The following RASL12 variants were observed in gnomAD, a reference collection of about 807,000 sequenced individuals.
RASL12 encodes RAS like family 12.
Under a neutral mutation model 22.9 loss-of-function variants are expected in RASL12, and 16 were observed. That is an observed-to-expected ratio of 0.70 (90% CI 0.47 to 1.06). The LOEUF is 1.06. Ranked by LOEUF, RASL12 falls within the 50% of genes least tolerant of loss-of-function variation. RASL12 has a pLI of 0.00. For missense variants in RASL12, 306 were observed against 353.1 expected (o/e 0.87, Z 1.07); for synonymous variants, 159 against 152.2 (o/e 1.04, Z -0.33).
intron 1 of RASL12, among the ~76,000 whole-genome samples, chr15:65,066,590 A>G (rs571596594): frequency 3.3e-5 from 5 of 152,302 alleles, no homozygotes; most frequent in African/African-American, 1.2e-4. Flanking sequence ...TTGCAAACTA[A>G]TACCCAGGGA....
intron 4 of RASL12, among the ~76,000 whole-genome samples, chr15:65,056,016 A>G (rs924420561): frequency 1.3e-5 from 2 of 152,142 alleles, no homozygotes; most frequent in Non-Finnish European, 2.9e-5. Flanking sequence ...AGGATAGAAT[A>G]TCCGGAACTT....
intron 1 of RASL12, among the ~76,000 whole-genome samples, chr15:65,067,425 C>T (rs1279521919): frequency 6.6e-6 from 1 of 151,586 alleles, no homozygotes; most frequent in Non-Finnish European, 1.5e-5. Flanking sequence ...CCGAGACACA[C>T]AAGAGAGAGG....
downstream of RASL12, chr15:65,051,685 G>A (rs1566951097): frequency 7.4e-7 from 1 of 1,355,524 alleles, no homozygotes; most frequent in Non-Finnish European, 1.0e-6. Context: ...TCTAGAGAGG[G>A]GTCACTTAGG....
intron 4 of RASL12, 22 bp downstream of exon 4, chr15:65,058,405 C>T (rs2232759): frequency 9.5e-5 from 134 of 1,415,240 alleles, no homozygotes; most frequent in Admixed American, 2.7e-4. Flanking sequence ...CTGGAGATAA[C>T]GGCCAAGCAG....
chr15:65,070,745 G>A (rs1447365118), upstream of RASL12, among the ~76,000 whole-genome samples: 2 of 152,196 alleles, frequency 1.3e-5, no homozygotes, highest in African/African-American at 4.8e-5. Flanking sequence ...CTAAGCTTTT[G>A]GTACCCTTTC....
Position 65,053,932 on chromosome 15 carries a change from A to C in RASL12, c.*967T>G, listed in dbSNP as rs1342641792. 1 of 985,768 alleles carries C rather than the reference A, an allele frequency of 1.0e-6. No homozygotes were observed. The allele number at this position is 985,768 out of a possible 1,614,324, so 61.1% of individuals were successfully genotyped here. ...TTGCTTTATTAACCCAAAATGCTTTAGGTTCTAAAGTGGGCTTTGAACACT... is the reference window on the plus strand; with the variant it reads ...TTGCTTTATTAACCCAAAATGCTTTCGGTTCTAAAGTGGGCTTTGAACACT... On this transcript the variant is annotated 3_prime_UTR_variant, in exon 5 of 5. Coordinates refer to ENST00000220062, the MANE Select transcript of RASL12 (RefSeq NM_016563.4).
intron 1 of RASL12, among the ~76,000 whole-genome samples, chr15:65,073,887 A>C (rs2086947976): frequency 6.6e-6 from 1 of 152,196 alleles, no homozygotes; most frequent in South Asian, 2.1e-4. Context: ...TAATGCAATT[A>C]AAGTGTTAGC....
intron 2 of RASL12, among the ~76,000 whole-genome samples, chr15:65,060,165 G>A (rs542495319): frequency 7.9e-5 from 12 of 152,252 alleles, no homozygotes; most frequent in Non-Finnish European, 1.5e-4. Flanking sequence ...CTCATTTAAC[G>A]GTCCCATCTC....
At chr15:65,068,395 T>C (rs2086906718), upstream of RASL12, 5 of 635,438 alleles carry the variant, frequency 7.9e-6, no homozygotes, top group Non-Finnish European at 9.8e-6. This position sits in a 1 kb window ranked among gnomAD's most constrained non-coding sequence, Gnocchi z 4.2. Flanking sequence ...GCCCTTTCTT[T>C]AGCTCAGCCT....
chr15:65,072,400 T>C (rs1448000239), upstream of RASL12, among the ~76,000 whole-genome samples: 7 of 152,172 alleles, frequency 4.6e-5, no homozygotes, highest in Non-Finnish European at 8.8e-5. Flanking sequence ...GCTCTGCAGA[T>C]TCATACGTGA....
chr15:65,055,840 T>G (rs927725024), intron 4 of RASL12, among the ~76,000 whole-genome samples: 1 of 152,124 alleles, frequency 6.6e-6, no homozygotes, highest in East Asian at 1.9e-4. Flanking sequence ...ATTCAAGCCC[T>G]CACAATGACA....
chr15:65,072,137 T>C (rs540519124), upstream of RASL12, among the ~76,000 whole-genome samples: 3 of 152,208 alleles, frequency 2.0e-5, no homozygotes, highest in Admixed American at 6.5e-5. Flanking sequence ...ATTCAGCCAA[T>C]ATCTGGCCTT....
At chr15:65,066,913 C>G (rs1156403630) in intron 1 of RASL12, among the ~76,000 whole-genome samples, 1 of 152,210 alleles carries the variant, frequency 6.6e-6, no homozygotes, top group Non-Finnish European at 1.5e-5. Context: ...CTTCTGCCCT[C>G]CCTCCTTCAG....
chr15:65,059,247 C>A, intron 3 of RASL12, 98 bp downstream of exon 3: 5 of 988,700 alleles, frequency 5.1e-6, no homozygotes, highest in South Asian at 1.3e-5. Context: ...GCTTAAAAGG[C>A]ATCTAAATGC....
downstream of RASL12, among the ~76,000 whole-genome samples, chr15:65,048,964 C>G (rs369660595): frequency 1.4e-5 from 2 of 142,098 alleles, no homozygotes; most frequent in Non-Finnish European, 3.0e-5. Flanking sequence ...GAGCAGAGAT[C>G]GTGCCACTGC....
Position 65,058,518 on chromosome 15 carries a change from AGCT to A in RASL12, c.331_333del (p.Ser111del), listed in dbSNP as rs1313047096. 1.9e-6 allele frequency: 3 copies of A among 1,611,584 alleles called. No individual in the cohort carries two copies. Among genetic ancestry groups the A allele is most frequent in the Non-Finnish European group, 2.5e-6 (3 of 1,178,404 alleles). ...GCGTGCAAGGCAAGCAGCTCCAGGT[AGCT>A]GCTGCTGCTATCAAAGCTCTGGCGG... On this transcript the variant is annotated inframe_deletion, in exon 4 of 5. Coordinates refer to ENST00000220062, the MANE Select transcript of RASL12 (RefSeq NM_016563.4).
At chr15:65,070,348 G>C (rs2086922910), upstream of RASL12, among the ~76,000 whole-genome samples, 1 of 152,250 alleles carries the variant, frequency 6.6e-6, no homozygotes, top group Admixed American at 6.5e-5. Flanking sequence ...CATGGCCCAA[G>C]GAAGTGGAGG....
At chr15:65,052,759 G>T (rs2086671360), downstream of RASL12, among the ~76,000 whole-genome samples, 1 of 152,126 alleles carries the variant, frequency 6.6e-6, no homozygotes, top group Admixed American at 6.6e-5. Context: ...GAGCTCACAG[G>T]TGACAGTAAG....
chr15:65,046,269 C>G, the RASL12 span, among the ~76,000 whole-genome samples: 1 of 152,164 alleles, frequency 6.6e-6, no homozygotes, highest in African/African-American at 2.4e-5. Flanking sequence ...CCACTACACT[C>G]CAGCCTGGGC....
Sources: allele counts gnomAD v4.1 joint callset (sites outside exome capture counted in the v4.1 genomes callset), GRCh38; gene constraint gnomAD v4.1.1; non-coding constraint Gnocchi (gnomAD v3.1); transcripts MANE v1.5; gene names NCBI Gene and HGNC (gene_info 2026-07-23, HGNC 2026-07-21).